The following MAF variants were observed in gnomAD, a reference collection of about 807,000 sequenced individuals.
The protein encoded by MAF is transcription factor Maf.
MAF carries 10 observed loss-of-function variants against 22.0 expected under a neutral mutation model. That is an observed-to-expected ratio of 0.45 (90% CI 0.28 to 0.77). The LOEUF is 0.77. Among genes scored for constraint, MAF ranks in the 30% least tolerant of loss-of-function variants. MAF has a pLI of 0.12. For synonymous variants in MAF, 337 were observed against 255.8 expected (o/e 1.32, Z -3.03); for missense variants, 544 against 548.4 (o/e 0.99, Z 0.08).
At chr16:79,533,240 G>C in the MAF span, among the ~76,000 whole-genome samples, 1 of 151,980 alleles carries the variant, frequency 6.6e-6, no homozygotes, top group African/African-American at 2.4e-5. Context: ...TTTTTAAAGG[G>C]GGCAGAGGGA....
the MAF span, among the ~76,000 whole-genome samples, chr16:79,485,792 G>A: frequency 6.1e-4 from 93 of 152,214 alleles, no homozygotes; most frequent in Non-Finnish European, 1.1e-3. Flanking sequence ...ACACAGACTC[G>A]GTGTCTTGCC....
the MAF span, among the ~76,000 whole-genome samples, chr16:79,365,529 G>C: frequency 6.6e-6 from 1 of 152,162 alleles, no homozygotes; most frequent in Admixed American, 6.5e-5. Context: ...TTTGTGATGA[G>C]GGGCCCTAGC....
the MAF span, among the ~76,000 whole-genome samples, chr16:79,321,012 A>C: frequency 6.6e-6 from 1 of 152,178 alleles, no homozygotes; most frequent in Admixed American, 6.5e-5. Context: ...CAGGTGACTA[A>C]CTGAGGAGTC....
At chr16:79,266,899 G>A in the MAF span, among the ~76,000 whole-genome samples, 5 of 152,110 alleles carry the variant, frequency 3.3e-5, no homozygotes, top group African/African-American at 1.2e-4. Context: ...AGGGTATCAT[G>A]GTAATGACAT....
the MAF span, among the ~76,000 whole-genome samples, chr16:79,343,510 C>T: frequency 2.0e-5 from 3 of 152,166 alleles, no homozygotes; most frequent in Admixed American, 1.3e-4. Context: ...CAACCATAAT[C>T]GTAAATGGAA....
the MAF span, among the ~76,000 whole-genome samples, chr16:79,540,784 A>G: frequency 6.6e-6 from 1 of 152,224 alleles, no homozygotes; most frequent in Non-Finnish European, 1.5e-5. Context: ...CTTCTCTGAC[A>G]TGTGGGGAAA....
At chr16:79,469,014 C>G in the MAF span, among the ~76,000 whole-genome samples, 1 of 152,170 alleles carries the variant, frequency 6.6e-6, no homozygotes, top group Non-Finnish European at 1.5e-5. Context: ...AGGCTACAAG[C>G]TGTCCTTATG....
the MAF span, among the ~76,000 whole-genome samples, chr16:79,372,558 G>A: frequency 6.6e-6 from 1 of 152,192 alleles, no homozygotes; most frequent in African/African-American, 2.4e-5. Context: ...ACCTAGGAGA[G>A]ACGCTGTAAT....
At chr16:79,595,152 C>T (rs1355804937) in intron 1 of MAF, 1 of 1,035,614 alleles carries the variant, frequency 9.7e-7, no homozygotes. Flanking sequence ...AAAGAAATAT[C>T]TGAAGTCAAG....
chr16:79,534,412 T>C, the MAF span, among the ~76,000 whole-genome samples: 3 of 152,116 alleles, frequency 2.0e-5, no homozygotes, highest in Non-Finnish European at 2.9e-5. Flanking sequence ...CCAAAAATAG[T>C]GTCAGAAAGC....
chr16:79,498,060 C>A, the MAF span, among the ~76,000 whole-genome samples: 1 of 152,156 alleles, frequency 6.6e-6, no homozygotes, highest in Non-Finnish European at 1.5e-5. Context: ...GCCCTTGCAC[C>A]CAGATGAAAT....
At chr16:79,508,991 T>C in the MAF span, among the ~76,000 whole-genome samples, 1 of 152,232 alleles carries the variant, frequency 6.6e-6, no homozygotes, top group South Asian at 2.1e-4. Context: ...TTGTATACTT[T>C]AAACCAGATA....
At chr16:79,488,568 A>G in the MAF span, among the ~76,000 whole-genome samples, 1 of 152,210 alleles carries the variant, frequency 6.6e-6, no homozygotes, top group Non-Finnish European at 1.5e-5. Context: ...TGCTATCTGG[A>G]TCACAGATGG....
chr16:79,208,659 T>C, the MAF span, among the ~76,000 whole-genome samples: 1 of 152,144 alleles, frequency 6.6e-6, no homozygotes, highest in Non-Finnish European at 1.5e-5. Flanking sequence ...TTAAGAATGC[T>C]TTCTCTTTTA....
the MAF span, among the ~76,000 whole-genome samples, chr16:79,279,239 G>T: frequency 1.3e-5 from 2 of 151,988 alleles, no homozygotes; most frequent in African/African-American, 4.8e-5. Flanking sequence ...ATGCATGTGG[G>T]GTCCTAGTCA....
the MAF span, among the ~76,000 whole-genome samples, chr16:79,562,122 T>C: frequency 6.6e-6 from 1 of 152,252 alleles, no homozygotes; most frequent in South Asian, 2.1e-4. Flanking sequence ...TCCCTTAACT[T>C]CTCAAGACAT....
chr16:79,287,689 C>CCACTCATTCTTTCATT, the MAF span, among the ~76,000 whole-genome samples: 1 of 152,146 alleles, frequency 6.6e-6, no homozygotes, highest in African/African-American at 2.4e-5. Flanking sequence ...ATTCATTCAT[C>CCACTCATTCTTTCATT]CACTCATTCT....
the MAF span, among the ~76,000 whole-genome samples, chr16:79,394,017 C>T: frequency 6.6e-6 from 1 of 152,206 alleles, no homozygotes; most frequent in Non-Finnish European, 1.5e-5. Flanking sequence ...TTTTGCAAAG[C>T]ACCCTATTTC....
At chr16:79,419,466 A>T in the MAF span, among the ~76,000 whole-genome samples, 1 of 152,228 alleles carries the variant, frequency 6.6e-6, no homozygotes, top group Non-Finnish European at 1.5e-5. Flanking sequence ...CAGTCGCCTT[A>T]CAGTTTCCAT....
Sources: allele counts gnomAD v4.1 joint callset (sites outside exome capture counted in the v4.1 genomes callset), GRCh38; gene constraint gnomAD v4.1.1; transcripts MANE v1.5; gene names NCBI Gene and HGNC (gene_info 2026-07-23, HGNC 2026-07-21).